KMT2C: variants seen among roughly 807,000 people sequenced by gnomAD.
KMT2C encodes histone-lysine N-methyltransferase 2C.
KMT2C carries 88 observed loss-of-function variants against 507.9 expected under a neutral mutation model. That is an observed-to-expected ratio of 0.17 (90% CI 0.15 to 0.21). KMT2C has a LOEUF of 0.21. Ranked by LOEUF, KMT2C falls within the 10% of genes least tolerant of loss-of-function variation. The pLI, the probability that KMT2C is intolerant of heterozygous loss-of-function variation, is 1.00. For missense variants in KMT2C, 4,954 were observed against 5,957.8 expected (o/e 0.83, Z 5.55); for synonymous variants, 2,049 against 2,080.8 (o/e 0.98, Z 0.42).
Position 152,180,114 on chromosome 7 carries a change from G to A in KMT2C, c.7162C>T (p.Arg2388Cys), listed in dbSNP as rs2129118349. Residue 2388 changes from arginine (R) to cysteine (C), a missense_variant, in exon 37 of 59, where the codon CGT becomes TGT. Around this residue, in one of 29 missense-constraint regions of KMT2C, gnomAD observed 1,689 missense variants for 1,654.3 expected, o/e 1.02. Coordinates refer to ENST00000262189, the MANE Select transcript of KMT2C (RefSeq NM_170606.3). The part of the protein sequence containing the change: ...TEKLRQRQKL[R>C]EIILQQQQQK... ...TGTTGCTGCTGGAGAATGATTTCACGTAACTTCTGCCGCTAAATGGGAAGA... is the reference window on the plus strand; with the variant it reads ...TGTTGCTGCTGGAGAATGATTTCACATAACTTCTGCCGCTAAATGGGAAGA... 3 of 1,614,096 alleles carry A rather than the reference G, an allele frequency of 1.9e-6. No individual in the cohort carries two copies. Among genetic ancestry groups the A allele is most frequent in the South Asian group, 1.1e-5 (1 of 91,062 alleles).
Position 152,296,542 on chromosome 7 carries a change from C to A in KMT2C, c.849+13424G>T, listed in dbSNP as rs150899868. Among the ~76,000 whole-genome samples, 65 of 151,626 alleles carry A rather than the reference C, an allele frequency of 4.3e-4. 1 individual carries two copies. The highest frequency in any genetic ancestry group is 1.9e-3 in the Admixed American group (29 of 15,242). On this transcript the variant is annotated intron_variant, in intron 6 of 58. Transcript: ENST00000262189. ...ATAATAATAAAAAGGTTCCTTTTTCCTTTCTGCCTCTGAATGCTATCCTGA... is the reference window on the plus strand; with the variant it reads ...ATAATAATAAAAAGGTTCCTTTTTCATTTCTGCCTCTGAATGCTATCCTGA...
At chr7:152,152,614 C>A (rs1054432613) in intron 49 of KMT2C, 91 bp downstream of exon 49, 1 of 1,463,324 alleles carries the variant, frequency 6.8e-7, no homozygotes, top group South Asian at 1.2e-5. Flanking sequence ...GTTACCTGTC[C>A]GTTGTTAAAA....
At chr7:152,313,700 T>C (rs191167822) in intron 4 of KMT2C, among the ~76,000 whole-genome samples, 1 of 152,158 alleles carries the variant, frequency 6.6e-6, no homozygotes, top group African/African-American at 2.4e-5. Context: ...CCAAGCTAAA[T>C]TAATTGCCTA....
At chr7:152,187,535 C>A (rs2129124953) in intron 32 of KMT2C, 59 bp from the exon 33 acceptor site, 1 of 1,490,856 alleles carries the variant, frequency 6.7e-7, no homozygotes, top group South Asian at 1.2e-5. Flanking sequence ...AATATATGTT[C>A]AAGTATAGCT....
intron 7 of KMT2C, among the ~76,000 whole-genome samples, chr7:152,272,222 T>A (rs1478352950): frequency 6.6e-6 from 1 of 152,190 alleles, no homozygotes; most frequent in East Asian, 1.9e-4. Flanking sequence ...CTCACCTCAG[T>A]ATTTATTATT....
rs117056701 is a variant in KMT2C at position 152,247,145 on chromosome 7, C to T, written c.2532+757G>A. On this transcript the variant is annotated intron_variant, in intron 14 of 58. Transcript: ENST00000262189. ...CACTTCTCCACTATTTGTTATCTTG[C>T]AATTTTAAAAAACACTTCAGAAAGC... Among the ~76,000 whole-genome samples the T allele has an allele frequency of 1.1e-3, 160 of 152,146 alleles. 1 individual carries two copies. Among genetic ancestry groups the T allele is most frequent in the Non-Finnish European group, 1.5e-3 (100 of 67,952 alleles).
chr7:152,246,218 G>A (rs1360812719), intron 14 of KMT2C, among the ~76,000 whole-genome samples: 1 of 152,164 alleles, frequency 6.6e-6, no homozygotes, highest in Non-Finnish European at 1.5e-5. Flanking sequence ...TCAAGTGAAG[G>A]CTGTTTGCTA....
rs1460530082 is a variant in KMT2C, at chr7:152,248,011, G to A, written c.2423C>T (p.Ala808Val). The A allele has an allele frequency of 6.2e-7, 1 of 1,614,118 alleles. No homozygotes were observed. Among genetic ancestry groups the A allele is most frequent in the Non-Finnish European group, 8.5e-7 (1 of 1,180,000 alleles). ...HNYPSALSSS[A>V]GNIMPTTYIS... ...GTAAGTTGTTGGCATGATGTTTCCA[G>A]CAGAGGAACTAAGAGCTGAAGGGTA... The change falls in exon 14 of 59, where the codon GCT (alanine) becomes GTT (valine). Residue 808 changes from alanine to valine, a missense_variant. Physicochemically the swap from Ala to Val is moderately conservative, Grantham distance 64. This residue lies in a region of KMT2C where 7 missense variants were observed against 72.6 expected (regional missense o/e 0.10). Transcript: ENST00000262189.
At chr7:152,193,975 G>A in intron 31 of KMT2C, 34 bp downstream of exon 31, 1 of 1,494,090 alleles carries the variant, frequency 6.7e-7, no homozygotes, top group Non-Finnish European at 8.9e-7. Flanking sequence ...ACATGTGTGT[G>A]AATATAATGT....
chr7:152,295,030 C>T (rs755933652), intron 6 of KMT2C, among the ~76,000 whole-genome samples: 9 of 151,906 alleles, frequency 5.9e-5, no homozygotes, highest in Non-Finnish European at 1.0e-4. Context: ...CACAACCAAA[C>T]AAAACTTGTG....
chr7:152,139,027 C>G, intron 57 of KMT2C, 123 bp from the exon 58 acceptor site: 1 of 990,978 alleles, frequency 1.0e-6, no homozygotes, highest in South Asian at 1.4e-5. Context: ...GTTAGAAGCA[C>G]AAATATAACA....
At chr7:152,196,713 T>C (rs1016087976) in intron 27 of KMT2C, among the ~76,000 whole-genome samples, 18 of 152,264 alleles carry the variant, frequency 1.2e-4, no homozygotes, top group Admixed American at 8.5e-4. Flanking sequence ...AAAAATAAGC[T>C]GCGGGGATGT....
At chr7:152,139,056 A>T in intron 57 of KMT2C, 130 bp downstream of exon 57, 1 of 1,013,708 alleles carries the variant, frequency 9.9e-7, no homozygotes, top group Non-Finnish European at 1.5e-6. Flanking sequence ...AAAATTCTCA[A>T]CTCATTTGCT....
chr7:152,322,347 A>T (rs1364231867), intron 3 of KMT2C, among the ~76,000 whole-genome samples: 1 of 151,942 alleles, frequency 6.6e-6, no homozygotes, highest in African/African-American at 2.4e-5. Flanking sequence ...TGGGCTACAA[A>T]TACCACCCTG....
intron 6 of KMT2C, among the ~76,000 whole-genome samples, chr7:152,280,393 A>AAAT (rs944649085): frequency 2.0e-5 from 3 of 152,184 alleles, no homozygotes; most frequent in African/African-American, 7.2e-5. Context: ...ATAAAAATAA[A>AAAT]AAAAAAAAAT....
chr7:152,345,251 T>A (rs1329637077), intron 2 of KMT2C, among the ~76,000 whole-genome samples: 1 of 151,616 alleles, frequency 6.6e-6, no homozygotes, highest in Non-Finnish European at 1.5e-5. Flanking sequence ...AAAAACTATT[T>A]TTTTTTTAAT....
intron 48 of KMT2C, among the ~76,000 whole-genome samples, 168 bp downstream of exon 48, chr7:152,153,842 A>G (rs570933753): frequency 3.3e-5 from 5 of 152,288 alleles, no homozygotes; most frequent in African/African-American, 1.2e-4. Flanking sequence ...TCAATGACAA[A>G]CGATGGCACT....
chr7:152,430,720 TCACTTTGTTGCC>T (rs1158767903), intron 1 of KMT2C, among the ~76,000 whole-genome samples: 1 of 152,158 alleles, frequency 6.6e-6, no homozygotes, highest in Non-Finnish European at 1.5e-5. Context: ...AGACAAGGCC[TCACTTTGTTGCC>T]CAGGCTGGTC....
At chr7:152,244,640 A>G (rs1588535676) in intron 14 of KMT2C, among the ~76,000 whole-genome samples, 2 of 152,360 alleles carry the variant, frequency 1.3e-5, no homozygotes, top group South Asian at 4.1e-4. Context: ...GTATGAAACA[A>G]TATCCAATTT....
Sources: allele counts gnomAD v4.1 joint callset (sites outside exome capture counted in the v4.1 genomes callset), GRCh38; gene constraint gnomAD v4.1.1; regional missense constraint gnomAD v4.1.1; transcripts MANE v1.5; gene names NCBI Gene and HGNC (gene_info 2026-07-23, HGNC 2026-07-21).